Variants in NEURL1 observed in about 807,000 individuals in gnomAD.
NEURL1 encodes neuralized E3 ubiquitin protein ligase 1.
A neutral mutation model predicts 41.2 loss-of-function variants in NEURL1; 26 were observed. The ratio of observed to expected loss-of-function variants is 0.63; its 90% CI spans 0.46 to 0.87. The LOEUF (loss-of-function observed/expected upper bound fraction) is 0.87, where lower values mean the gene tolerates loss of function less well. NEURL1 is among the 40% of genes least tolerant of loss of function. The pLI, the probability that NEURL1 is intolerant of heterozygous loss-of-function variation, is 0.00. For missense variants in NEURL1, 761 were observed against 871.1 expected (o/e 0.87, Z 1.59); for synonymous variants, 400 against 402.3 (o/e 0.99, Z 0.07).
Position 103,525,868 on chromosome 10 carries a change from T to C in NEURL1, c.85+31396T>C, listed in dbSNP as rs546824575. ...TTCAACTTATCCCCTTTCAGTATGA[T>C]GTTGGCTATGATTTTGTGCTATGTG... On this transcript the variant is annotated intron_variant, in intron 1 of 5. Coordinates refer to ENST00000369780, the MANE Select transcript of NEURL1 (RefSeq NM_004210.5). Among the ~76,000 whole-genome samples, 6 of 152,328 alleles carry C rather than the reference T, an allele frequency of 3.9e-5. No homozygotes were observed. The East Asian group carries it at 7.7e-4, about 20-fold the overall frequency.
intron 1 of NEURL1, among the ~76,000 whole-genome samples, chr10:103,522,383 G>A (rs1211825379): frequency 1.3e-5 from 2 of 151,712 alleles, no homozygotes; most frequent in Non-Finnish European, 2.9e-5. Context: ...CGAGGTGAGC[G>A]GGTCACCTGA....
intron 1 of NEURL1, among the ~76,000 whole-genome samples, chr10:103,557,079 C>T (rs1410067115): frequency 6.6e-6 from 1 of 152,122 alleles, no homozygotes; most frequent in Non-Finnish European, 1.5e-5. Flanking sequence ...AATGTCTTCC[C>T]GAGCCTCAGT....
In NEURL1 at chr10:103,590,218, G is replaced by A. The variant is rs2036010251; in HGVS notation, c.1571G>A (p.Cys524Tyr). Residue 524 changes from cysteine (C) to tyrosine (Y), a missense_variant, in exon 6 of 6, where the codon TGC becomes TAC. Around this residue, in one of 5 missense-constraint regions of NEURL1, gnomAD observed 45 missense variants for 89.9 expected, o/e 0.50. Transcript: ENST00000369780. ...CAGTGGAGCGATGAGTGCACCATTT[G>A]CTATGAACACGCGGTGGACACGGTC... ...LGQWSDECTI[C>Y]YEHAVDTVIY... 1 of 1,613,838 alleles carries A rather than the reference G, an allele frequency of 6.2e-7. No individual in the cohort carries two copies. The highest frequency in any genetic ancestry group is 1.3e-5 in the African/African-American group (1 of 74,812).
rs1410327195 is a variant in NEURL1 at position 103,575,260 on chromosome 10, C to T, written c.649+3438C>T. Among the ~76,000 whole-genome samples, 3 of 152,210 alleles carry T rather than the reference C, an allele frequency of 2.0e-5. No individual in the cohort carries two copies. The East Asian group carries it at 5.8e-4, about 29-fold the overall frequency. On this transcript the variant is annotated intron_variant, in intron 3 of 5. Coordinates refer to ENST00000369780, the MANE Select transcript of NEURL1 (RefSeq NM_004210.5). ...CTCCCTTGACCTAGATCCTCTCACC[C>T]TTCTTGCTTTCCCTGGTCTTGGTGT...
intron 1 of NEURL1, among the ~76,000 whole-genome samples, chr10:103,495,790 A>G (rs1008731585): frequency 5.3e-5 from 8 of 152,186 alleles, no homozygotes; most frequent in African/African-American, 1.9e-4. Flanking sequence ...TAATATGGCA[A>G]TACATGTCAA....
rs1426822588 is a variant in NEURL1, at chr10:103,556,865, G to T, written c.86-14007G>T. ...TTGCTGGCCCCGGCGGGGCCTGTTG[G>T]CAGAGGGTCTGGAGCCGACTGGCAT... On this transcript the variant is annotated intron_variant, in intron 1 of 5. Transcript: ENST00000369780. The surrounding 1 kb of genome is among the most constrained non-coding windows in gnomAD (Gnocchi z 4.4). 6.6e-6 allele frequency among the ~76,000 whole-genome samples: 1 copy of T among 152,184 alleles called. No homozygotes were observed. Among genetic ancestry groups the T allele is most frequent in the African/African-American group, 2.4e-5 (1 of 41,456 alleles).
intron 1 of NEURL1, among the ~76,000 whole-genome samples, chr10:103,542,843 C>T (rs998730786): frequency 7.2e-5 from 11 of 152,224 alleles, no homozygotes; most frequent in Admixed American, 2.0e-4. Context: ...CACTGACACC[C>T]GGGGGCTGGC....
At chr10:103,586,078 G>A (rs1338588795) in intron 4 of NEURL1, among the ~76,000 whole-genome samples, 3 of 151,860 alleles carry the variant, frequency 2.0e-5, no homozygotes, top group Non-Finnish European at 4.4e-5. Flanking sequence ...GCCTTTTCTC[G>A]GGGGCACAGG....
intron 1 of NEURL1, among the ~76,000 whole-genome samples, chr10:103,544,689 C>T (rs1330273969): frequency 2.0e-5 from 3 of 152,180 alleles, no homozygotes; most frequent in East Asian, 3.8e-4. Context: ...GAGCTCTCTT[C>T]CCCAGAGGGA....
At chr10:103,553,255 TCAGGG>T (rs2035072171) in intron 1 of NEURL1, among the ~76,000 whole-genome samples, 1 of 152,228 alleles carries the variant, frequency 6.6e-6, no homozygotes, top group Non-Finnish European at 1.5e-5. Context: ...CGTCACACGC[TCAGGG>T]CAGTGTGGAT....
At chr10:103,512,134 A>T (rs928268462) in intron 1 of NEURL1, 2 of 152,038 alleles carry the variant, frequency 1.3e-5, no homozygotes, top group Non-Finnish European at 2.9e-5. Context: ...TTCTGCCCTT[A>T]TAGAACTTGT....
chr10:103,496,660 A>G (rs766947690), intron 1 of NEURL1, among the ~76,000 whole-genome samples: 3 of 152,222 alleles, frequency 2.0e-5, no homozygotes, highest in Non-Finnish European at 4.4e-5. Flanking sequence ...TTCCTAATGA[A>G]CCTATGAATA....
chr10:103,561,428 A>T (rs190356658), intron 1 of NEURL1, among the ~76,000 whole-genome samples: 2 of 151,834 alleles, frequency 1.3e-5, no homozygotes, highest in Non-Finnish European at 2.9e-5. Flanking sequence ...TACCTGGCTA[A>T]TTTTTTTGTA....
At chr10:103,582,473 G>A (rs1320386722) in intron 3 of NEURL1, among the ~76,000 whole-genome samples, 1 of 152,120 alleles carries the variant, frequency 6.6e-6, no homozygotes, top group South Asian at 2.1e-4. Flanking sequence ...TCGCCAACAC[G>A]ATTCCAGGAA....
At chr10:103,585,779 G>A (rs1326930620) in intron 4 of NEURL1, among the ~76,000 whole-genome samples, 1 of 146,462 alleles carries the variant, frequency 6.8e-6, no homozygotes, top group African/African-American at 2.6e-5. Context: ...CTTGCAGTGA[G>A]CCAAGATCGT....
intron 1 of NEURL1, among the ~76,000 whole-genome samples, chr10:103,539,555 G>T (rs1592207165): frequency 6.6e-6 from 1 of 152,298 alleles, no homozygotes; most frequent in East Asian, 1.9e-4. Flanking sequence ...CTCATTATGG[G>T]TGGCAGTTCA....
chr10:103,579,964 A>T (rs572551203), intron 3 of NEURL1, among the ~76,000 whole-genome samples: 4 of 152,158 alleles, frequency 2.6e-5, no homozygotes, highest in South Asian at 2.1e-4. Context: ...ATAATAATAA[A>T]AAAAACATGT....
chr10:103,570,988 C>G lies in NEURL1; in HGVS notation c.202C>G (p.His68Asp), dbSNP rs545506384. 1.2e-6 allele frequency: 2 copies of G among 1,614,056 alleles called. No homozygotes were observed. Among genetic ancestry groups the G allele is most frequent in the Non-Finnish European group, 1.7e-6 (2 of 1,180,026 alleles). Residue 68 changes from histidine (H) to aspartate (D), a missense_variant, in exon 2 of 6, where the codon CAC becomes GAC. His to Asp is a moderately conservative substitution (Grantham distance 81). Around this residue, in one of 5 missense-constraint regions of NEURL1, gnomAD observed 94 missense variants for 96.6 expected, o/e 0.97. Transcript: ENST00000369780. ...AGCCACGCCGCTGCTCTTCCACCCG[C>G]ACACCAAGGGCTCCCAGATCCTCAT... The part of the protein sequence containing the change: ...LPATPLLFHP[H>D]TKGSQILMDL...
intron 3 of NEURL1, among the ~76,000 whole-genome samples, chr10:103,580,203 A>G (rs1024977947): frequency 3.3e-5 from 5 of 152,148 alleles, no homozygotes; most frequent in African/African-American, 1.2e-4. Flanking sequence ...ACTGCCGGGC[A>G]CCAGAACAGG....
Sources: gnomAD v4.1 joint callset for allele counts (sites outside exome capture counted in the v4.1 genomes callset) on GRCh38, gnomAD v4.1.1 for gene constraint, gnomAD v4.1.1 regional missense constraint, Gnocchi (gnomAD v3.1) non-coding constraint, MANE v1.5 for transcripts, NCBI Gene and HGNC (gene_info 2026-07-23, HGNC 2026-07-21) for gene names.